Variants in SBF2 observed in about 807,000 individuals in gnomAD.
SBF2 encodes the protein myotubularin-related protein 13.
SBF2 carries 112 observed loss-of-function variants against 225.2 expected under a neutral mutation model. That is an observed-to-expected ratio of 0.50 (90% CI 0.43 to 0.58). SBF2 has a LOEUF of 0.58. SBF2 is among the 20% of genes least tolerant of loss of function. The pLI is 0.00. For missense variants in SBF2, 1,996 were observed against 2,206.2 expected (o/e 0.90, Z 1.91); for synonymous variants, 763 against 773.3 (o/e 0.99, Z 0.22).
intron 33 of SBF2, among the ~76,000 whole-genome samples, chr11:9,791,964 C>T (rs557348507): frequency 1.5e-4 from 23 of 152,276 alleles, no homozygotes; most frequent in African/African-American, 4.8e-4. Flanking sequence ...ATATGGCTGG[C>T]TTAGGGCAAC....
chr11:10,139,554 C>T (rs1954546596), intron 2 of SBF2, among the ~76,000 whole-genome samples: 1 of 152,208 alleles, frequency 6.6e-6, no homozygotes, highest in African/African-American at 2.4e-5. Context: ...GCAGATAAGA[C>T]AGGAGTGACT....
chr11:9,828,285 A>G, intron 28 of SBF2: 1 of 1,267,302 alleles, frequency 7.9e-7, no homozygotes, highest in South Asian at 1.3e-5. Context: ...TCAAATGACA[A>G]AAAGTTATCT....
intron 9 of SBF2, among the ~76,000 whole-genome samples, chr11:9,995,481 A>C (rs1947651067): frequency 6.6e-6 from 1 of 152,200 alleles, no homozygotes; most frequent in Admixed American, 6.5e-5. Flanking sequence ...TCTACAAAAT[A>C]ATCCATATTA....
At chr11:10,202,160 ATGAT>A (rs1957589834) in intron 1 of SBF2, among the ~76,000 whole-genome samples, 1 of 152,250 alleles carries the variant, frequency 6.6e-6, no homozygotes, top group Non-Finnish European at 1.5e-5. Flanking sequence ...TGAAGAAAGA[ATGAT>A]TGGCAGTCTG....
At chr11:9,918,620 C>T (rs565338188) in intron 16 of SBF2, among the ~76,000 whole-genome samples, 5 of 152,220 alleles carry the variant, frequency 3.3e-5, no homozygotes, top group African/African-American at 1.2e-4. Flanking sequence ...ATCCACACAT[C>T]TTGGCCTTCC....
intron 13 of SBF2, among the ~76,000 whole-genome samples, chr11:9,973,448 G>A (rs1043972671): frequency 6.6e-6 from 1 of 152,110 alleles, no homozygotes; most frequent in Non-Finnish European, 1.5e-5. Flanking sequence ...CAGTGAACCT[G>A]GCAACATTTT....
At chr11:10,049,538 C>T (rs746075953) in intron 2 of SBF2, among the ~76,000 whole-genome samples, 1 of 151,844 alleles carries the variant, frequency 6.6e-6, no homozygotes, top group Non-Finnish European at 1.5e-5. Flanking sequence ...ACCTGGGAGG[C>T]GGATGTTGCA....
intron 16 of SBF2, among the ~76,000 whole-genome samples, chr11:9,937,595 T>C (rs1049289033): frequency 2.6e-5 from 4 of 152,156 alleles, no homozygotes; most frequent in Non-Finnish European, 5.9e-5. Flanking sequence ...TTATTTAACA[T>C]TGTCTTGGAG....
chr11:9,863,499 T>G (rs2134022572), intron 17 of SBF2, among the ~76,000 whole-genome samples: 1 of 152,326 alleles, frequency 6.6e-6, no homozygotes, highest in East Asian at 1.9e-4. Context: ...CCCTGGAATA[T>G]AAGTGTACCT....
At chr11:9,813,109 T>C (rs1170132769) in intron 29 of SBF2, among the ~76,000 whole-genome samples, 2 of 152,160 alleles carry the variant, frequency 1.3e-5, no homozygotes, top group Non-Finnish European at 2.9e-5. Context: ...ACTCCAACAG[T>C]GTAAACTAAG....
At chr11:9,834,948 C>A (rs1340563367) in intron 26 of SBF2, among the ~76,000 whole-genome samples, 7 of 152,210 alleles carry the variant, frequency 4.6e-5, no homozygotes, top group Non-Finnish European at 1.0e-4. Context: ...AGATCTATGG[C>A]TCTCTCCTGC....
At chr11:10,137,819 C>G (rs769711587) in intron 2 of SBF2, among the ~76,000 whole-genome samples, 1 of 151,946 alleles carries the variant, frequency 6.6e-6, no homozygotes, top group Non-Finnish European at 1.5e-5. Context: ...CCAGTCTAGT[C>G]AACATGGTGA....
intron 2 of SBF2, among the ~76,000 whole-genome samples, chr11:10,133,671 C>G (rs991291450): frequency 1.3e-5 from 2 of 150,962 alleles, no homozygotes; most frequent in African/African-American, 4.9e-5. Flanking sequence ...AGCCCCGGTT[C>G]CCGCTCATGC....
intron 2 of SBF2, among the ~76,000 whole-genome samples, chr11:10,155,012 A>G (rs1043594667): frequency 1.3e-5 from 2 of 152,236 alleles, no homozygotes; most frequent in Middle Eastern, 3.4e-3. Context: ...TATCTATTTT[A>G]GTACTGAAAG....
Position 10,061,026 on chromosome 11 carries a change from T to C in SBF2, c.142-18045A>G, listed in dbSNP as rs1290903857. Reference sequence around the variant, plus strand: ...CTGAGCAACAGAGCGAGACTCCATCTCAAAAAAAAATAAATAAATAAACAA... The same window carrying C: ...CTGAGCAACAGAGCGAGACTCCATCCCAAAAAAAAATAAATAAATAAACAA... On this transcript the variant is annotated intron_variant, in intron 2 of 39. Transcript: ENST00000256190. Among the ~76,000 whole-genome samples, 3 of 150,950 alleles carry C rather than the reference T, an allele frequency of 2.0e-5. No individual in the cohort carries two copies. In the East Asian group the frequency reaches 5.8e-4, roughly 29 times the overall value.
At chr11:10,131,938 T>C (rs1954080742) in intron 2 of SBF2, among the ~76,000 whole-genome samples, 1 of 152,210 alleles carries the variant, frequency 6.6e-6, no homozygotes, top group Non-Finnish European at 1.5e-5. Flanking sequence ...CAAGTTTTAG[T>C]TCCAAAGATG....
chr11:10,028,473 C>A lies in SBF2; in HGVS notation c.598G>T (p.Ala200Ser). 1 of 1,611,610 alleles carries A rather than the reference C, an allele frequency of 6.2e-7. No homozygotes were observed. ...ATACCCAATTGCTGGAACAGGAGAG[C>A]CACACTAGTGCCCGTGATAGGAAGA... ...DSLPITGTSV[A>S]LLFQQLGIQN... The change falls in exon 6 of 40, where the codon GCT becomes TCT. Residue 200 changes from alanine (A) to serine (S), a missense_variant. Ala to Ser is a moderately conservative substitution (Grantham distance 99, BLOSUM62 1). Transcript: ENST00000256190.
At chr11:10,088,554 G>C (rs1951665035) in intron 2 of SBF2, among the ~76,000 whole-genome samples, 1 of 152,166 alleles carries the variant, frequency 6.6e-6, no homozygotes, top group African/African-American at 2.4e-5. Flanking sequence ...TCTACCCAAG[G>C]TAGGGGAAGG....
At chr11:9,891,548 A>T (rs186243612) in intron 17 of SBF2, among the ~76,000 whole-genome samples, 2 of 152,348 alleles carry the variant, frequency 1.3e-5, no homozygotes, top group East Asian at 3.9e-4. Context: ...AGATATAAGC[A>T]CAGGGCTTGG....
Sources: gnomAD v4.1 joint callset for allele counts (sites outside exome capture counted in the v4.1 genomes callset) on GRCh38, gnomAD v4.1.1 for gene constraint, MANE v1.5 for transcripts, NCBI Gene and HGNC (gene_info 2026-07-23, HGNC 2026-07-21) for gene names.